DNAH7: variants seen among roughly 807,000 people sequenced by gnomAD.
DNAH7 encodes axonemal beta dynein heavy chain 7.
In DNAH7, 397 loss-of-function variants were observed where a neutral mutation model predicts 444.6. The observed-to-expected ratio is 0.89, with a 90% CI of 0.82 to 0.97. The LOEUF (loss-of-function observed/expected upper bound fraction) is 0.97. Ranked by LOEUF, DNAH7 falls within the 50% of genes least tolerant of loss-of-function variation. The probability of loss-of-function intolerance (pLI) is 0.00; values close to 1 mark genes in which losing one functional copy is unlikely to be tolerated. For synonymous variants in DNAH7, 1,636 were observed against 1,624.4 expected, an observed-to-expected ratio of 1.01 and a Z score of -0.17; for missense variants, 4,902 against 4,800.8, an observed-to-expected ratio of 1.02 and a Z score of -0.62.
chr2:195,936,102 G>C (rs545864478), intron 20 of DNAH7, among the ~76,000 whole-genome samples: 1 of 152,280 alleles, frequency 6.6e-6, no homozygotes, highest in East Asian at 1.9e-4. Flanking sequence ...GGCCAGGCAC[G>C]GTGGCTCACG....
At chr2:196,006,679 G>C (rs1248534119) in intron 10 of DNAH7, among the ~76,000 whole-genome samples, 1 of 151,652 alleles carries the variant, frequency 6.6e-6, no homozygotes, top group Non-Finnish European at 1.5e-5. Context: ...AACCATTAAA[G>C]CTAATAAATA....
intron 57 of DNAH7, among the ~76,000 whole-genome samples, chr2:195,788,169 G>A (rs1559096920): frequency 6.6e-6 from 1 of 152,156 alleles, no homozygotes; most frequent in Non-Finnish European, 1.5e-5. Context: ...CAAGTCCAGA[G>A]AGCTGTAGGC....
At chr2:195,850,110 G>A (rs1160473557) in intron 46 of DNAH7, among the ~76,000 whole-genome samples, 1 of 152,188 alleles carries the variant, frequency 6.6e-6, no homozygotes, top group Non-Finnish European at 1.5e-5. Flanking sequence ...TACCACAGAT[G>A]AACTCTGGAT....
intron 9 of DNAH7, among the ~76,000 whole-genome samples, chr2:196,014,210 A>T (rs956372200): frequency 1.3e-5 from 2 of 152,198 alleles, no homozygotes; most frequent in Non-Finnish European, 2.9e-5. Flanking sequence ...GCAGTGAAAC[A>T]ATAGTTTAAA....
At chr2:195,975,034 C>T (rs760516012) in intron 15 of DNAH7, among the ~76,000 whole-genome samples, 10 of 152,038 alleles carry the variant, frequency 6.6e-5, no homozygotes, top group Non-Finnish European at 1.3e-4. Context: ...AAATCAGGAT[C>T]GAGGCAGAGA....
chr2:196,018,733 G>A (rs1446826683), intron 9 of DNAH7, among the ~76,000 whole-genome samples: 1 of 152,106 alleles, frequency 6.6e-6, no homozygotes, highest in Non-Finnish European at 1.5e-5. Context: ...TAGACAGAAT[G>A]AATGAGACCT....
chr2:195,845,346 G>T (rs1357747402), intron 46 of DNAH7, among the ~76,000 whole-genome samples, 181 bp from the exon 47 acceptor site: 2 of 152,160 alleles, frequency 1.3e-5, no homozygotes, highest in Non-Finnish European at 2.9e-5. Context: ...GAGAAGGTCA[G>T]CTATGTACTC....
chr2:195,982,330 C>CAA (rs975424966), intron 15 of DNAH7, among the ~76,000 whole-genome samples: 5 of 152,246 alleles, frequency 3.3e-5, no homozygotes, highest in African/African-American at 1.2e-4. Context: ...CAGGCAATAA[C>CAA]AAAGGCTGCT....
At chr2:195,742,756 A>T (rs1002531767) in intron 63 of DNAH7, among the ~76,000 whole-genome samples, 1 of 152,158 alleles carries the variant, frequency 6.6e-6, no homozygotes, top group African/African-American at 2.4e-5. Flanking sequence ...GCCTCCCTTC[A>T]TGCTGTGCAG....
chr2:195,748,519 C>T (rs557823132), intron 63 of DNAH7, among the ~76,000 whole-genome samples: 10 of 152,258 alleles, frequency 6.6e-5, no homozygotes, highest in African/African-American at 2.4e-4. Context: ...AAAGAGCCCA[C>T]ATCGCGAAGT....
intron 58 of DNAH7, 57 bp from the exon 59 acceptor site, chr2:195,778,042 T>A: frequency 2.9e-6 from 4 of 1,386,782 alleles, no homozygotes; most frequent in Non-Finnish European, 3.8e-6. Context: ...CAGAATCGTG[T>A]TTCTTGTTTT....
chr2:196,062,199 A>G (rs568278054), intron 1 of DNAH7, among the ~76,000 whole-genome samples: 1 of 152,034 alleles, frequency 6.6e-6, no homozygotes, highest in Admixed American at 6.5e-5. Context: ...TTTGACTGAG[A>G]CCTCTAATAT....
chr2:195,873,008 T>C (rs1025330826), intron 39 of DNAH7, among the ~76,000 whole-genome samples: 1 of 152,216 alleles, frequency 6.6e-6, no homozygotes, highest in Non-Finnish European at 1.5e-5. Context: ...GAAATAATTT[T>C]CATTTAGAAA....
In DNAH7 at chr2:195,816,792, GGTGGT is replaced by G. The variant is rs1157075516; in HGVS notation, c.9592_9596del (p.Thr3198ProfsTer20). On this transcript the variant is annotated frameshift_variant, in exon 51 of 65. Coordinates refer to ENST00000312428, the MANE Select transcript of DNAH7 (RefSeq NM_018897.3). LOFTEE classifies it high-confidence loss of function. ...TGGCAATAGGACGATAGCCCATGCGGGTGGTGTCAATCTTTTTCTCTGTCTCTTCG... is the reference window on the plus strand; with the variant it reads ...TGGCAATAGGACGATAGCCCATGCGGGTCAATCTTTTTCTCTGTCTCTTCG... The G allele has an allele frequency of 2.2e-5, 35 of 1,614,010 alleles. No homozygotes were observed. The highest frequency in any genetic ancestry group is 2.9e-5 in the Non-Finnish European group (34 of 1,180,016).
At position 195,775,877 on chromosome 2, in the gene DNAH7, T is replaced by C; in HGVS notation, c.11171A>G (p.Gln3724Arg). The C allele has an allele frequency of 1.2e-6, 2 of 1,614,108 alleles. No individual in the cohort carries two copies. Among genetic ancestry groups the C allele is most frequent in the Non-Finnish European group, 1.7e-6 (2 of 1,180,014 alleles). Residue 3724 changes from glutamine (Q) to arginine (R), a missense_variant, in exon 60 of 65, where the codon CAG becomes CGG. Physicochemically the swap from Gln to Arg is conservative, Grantham distance 43 (BLOSUM62 1). Coordinates refer to ENST00000312428, the MANE Select transcript of DNAH7 (RefSeq NM_018897.3). ...AAGAAGAATGTTATCAAATAGCAGCTGAGTTTCTGACTGATCCTTAGTGAT... is the reference window on the plus strand; with the variant it reads ...AAGAAGAATGTTATCAAATAGCAGCCGAGTTTCTGACTGATCCTTAGTGAT... ...ADITKDQSET[Q>R]LLFDNILLTQ...
At chr2:195,766,489 C>T (rs1354053665) in intron 61 of DNAH7, among the ~76,000 whole-genome samples, 1 of 151,940 alleles carries the variant, frequency 6.6e-6, no homozygotes, top group East Asian at 1.9e-4. Flanking sequence ...AATATTAAAA[C>T]AATTGAACTT....
rs1242629268 is a variant in DNAH7 at position 195,861,812 on chromosome 2, A to G, written c.7641T>C (p.Ser2547=). ...FHTSTIDLSK[S]FFVELQRYNY... ...TGTATCTTTGAAGTTCAACAAAGAA[A>G]GATTTGGATAAATCTATAGTAGAAG... The change falls in exon 42 of 65, where the codon TCT becomes TCC. Residue 2547 remains serine, a synonymous_variant. Transcript: ENST00000312428. 1.2e-6 allele frequency: 2 copies of G among 1,613,790 alleles called. No homozygotes were observed. Among genetic ancestry groups the G allele is most frequent in the Non-Finnish European group, 1.7e-6 (2 of 1,179,718 alleles).
intron 47 of DNAH7, among the ~76,000 whole-genome samples, chr2:195,839,152 C>T (rs1211898804): frequency 6.6e-6 from 1 of 151,540 alleles, no homozygotes. Context: ...TTTTAAACAA[C>T]TGGAATCATA....
chr2:195,858,565 T>C lies in DNAH7; in HGVS notation c.7976A>G (p.Lys2659Arg). The change falls in exon 43 of 65, where the codon AAA becomes AGA. Residue 2659 changes from lysine to arginine, a missense_variant. By Grantham distance (26) the Lys-to-Arg change is conservative (BLOSUM62 2). Transcript: ENST00000312428. ...AGCATCGCACTCATCTTTGATGGCT[T>C]TGGAAGCCATAGCTTGTTCATTCGC... is the stretch of plus-strand genomic sequence containing the variant. The part of the protein sequence containing the change: ...TIANEQAMAS[K>R]AIKDECDADL... The C allele has an allele frequency of 6.2e-7, 1 of 1,613,978 alleles. No homozygotes were observed. Among genetic ancestry groups the C allele is most frequent in the Non-Finnish European group, 8.5e-7 (1 of 1,179,950 alleles).
Sources: allele counts gnomAD v4.1 joint callset (sites outside exome capture counted in the v4.1 genomes callset), GRCh38; gene constraint gnomAD v4.1.1; transcripts MANE v1.5; gene names NCBI Gene and HGNC (gene_info 2026-07-23, HGNC 2026-07-21).